The following ATP2B2 variants were observed in gnomAD, a reference collection of about 807,000 sequenced individuals.
ATP2B2 encodes the protein plasma membrane calcium-transporting ATPase 2.
In ATP2B2, 15 loss-of-function variants were observed where a neutral mutation model predicts 120.0. The observed-to-expected ratio is 0.12, with a 90% CI of 0.08 to 0.19. The LOEUF (loss-of-function observed/expected upper bound fraction) is 0.19. ATP2B2 is among the 10% of genes least tolerant of loss of function. The probability of loss-of-function intolerance (pLI) is 1.00; values close to 1 mark genes in which losing one functional copy is unlikely to be tolerated. For missense variants in ATP2B2, 1,045 were observed against 1,719.8 expected (o/e 0.61, Z 6.94); for synonymous variants, 694 against 700.3 (o/e 0.99, Z 0.14).
chr3:10,328,620 GAA>G lies in ATP2B2; in HGVS notation c.*192_*193del, dbSNP rs1319474425. The G allele has an allele frequency of 7.7e-6, 5 of 648,138 alleles. No homozygotes were observed. The highest frequency in any genetic ancestry group is 7.3e-5 in the African/African-American group (4 of 54,432). 40.1% of individuals were successfully genotyped at this position (648,138 alleles called of 1,614,324 possible). ...GAGATCCCGCCCCTTGCCTTGAAGT[GAA>G]AAAGAGTTCAAACAGCATCGCAGCC... On this transcript the variant is annotated 3_prime_UTR_variant, in exon 23 of 23. Transcript: ENST00000360273.
intron 3 of ATP2B2, among the ~76,000 whole-genome samples, chr3:10,532,209 C>T (rs2067224537): frequency 6.6e-6 from 1 of 152,176 alleles, no homozygotes; most frequent in African/African-American, 2.4e-5. Flanking sequence ...GTTCATCCCT[C>T]CCCAGTCCCA....
intron 3 of ATP2B2, among the ~76,000 whole-genome samples, chr3:10,533,079 T>C (rs1255148726): frequency 6.6e-6 from 1 of 152,186 alleles, no homozygotes; most frequent in African/African-American, 2.4e-5. Context: ...ATCTCTTACA[T>C]GTTGGGTCCA....
At chr3:10,534,447 G>T (rs529666707) in intron 2 of ATP2B2, among the ~76,000 whole-genome samples, 2 of 152,192 alleles carry the variant, frequency 1.3e-5, no homozygotes, top group Non-Finnish European at 2.9e-5. Flanking sequence ...AACATGCATC[G>T]GGCATCTAGC....
In ATP2B2 at chr3:10,397,103, T is replaced by C. The variant is rs140089797; in HGVS notation, c.781+3850A>G. ...CCTGAGGCCACACAGCAAGTTCGCT[T>C]GAGAGCTCAGGTCCTGTTCAGCTCA... On this transcript the variant is annotated intron_variant, in intron 5 of 22. Coordinates refer to ENST00000360273, the MANE Select transcript of ATP2B2 (RefSeq NM_001001331.4). Among the ~76,000 whole-genome samples, 382 of 152,308 alleles carry C rather than the reference T, an allele frequency of 2.5e-3. 4 individuals carry two copies. The highest frequency in any genetic ancestry group is 2.7e-3 in the Non-Finnish European group (187 of 68,016).
chr3:10,632,914 T>G (rs1273463564), intron 1 of ATP2B2, among the ~76,000 whole-genome samples: 1 of 152,232 alleles, frequency 6.6e-6, no homozygotes, highest in African/African-American at 2.4e-5. Context: ...TCACCCTGAC[T>G]GGCTGGAGGG....
chr3:10,335,915 C>T (rs1426538946), intron 22 of ATP2B2, among the ~76,000 whole-genome samples: 1 of 152,208 alleles, frequency 6.6e-6, no homozygotes, highest in African/African-American at 2.4e-5. Flanking sequence ...ACCCTAATGA[C>T]CCTCTGACTG....
chr3:10,689,611 C>T (rs1436483244), intron 1 of ATP2B2, among the ~76,000 whole-genome samples: 1 of 152,120 alleles, frequency 6.6e-6, no homozygotes, highest in Non-Finnish European at 1.5e-5. Flanking sequence ...AAGGCCACAA[C>T]CTCAGGATAA....
At chr3:10,435,812 T>A (rs956808318) in intron 2 of ATP2B2, among the ~76,000 whole-genome samples, 1 of 152,164 alleles carries the variant, frequency 6.6e-6, no homozygotes, top group Admixed American at 6.5e-5. Context: ...TGGAGCCTTT[T>A]TAAAAGACTC....
At chr3:10,629,107 A>G (rs1469492963) in intron 1 of ATP2B2, among the ~76,000 whole-genome samples, 2 of 152,164 alleles carry the variant, frequency 1.3e-5, no homozygotes, top group Non-Finnish European at 2.9e-5. Context: ...GCACGGCAGC[A>G]CCACGCTTCG....
At chr3:10,524,495 C>G (rs1022098905) in intron 3 of ATP2B2, among the ~76,000 whole-genome samples, 3 of 152,216 alleles carry the variant, frequency 2.0e-5, no homozygotes, top group African/African-American at 7.2e-5. Flanking sequence ...TCCCTGGCAG[C>G]TCTGCCTCCA....
At chr3:10,459,566 C>T (rs2064399702) in intron 1 of ATP2B2, among the ~76,000 whole-genome samples, 1 of 152,270 alleles carries the variant, frequency 6.6e-6, no homozygotes, top group African/African-American at 2.4e-5. Flanking sequence ...GCAGCACTGG[C>T]TGCCTCCAGC....
intron 2 of ATP2B2, among the ~76,000 whole-genome samples, chr3:10,556,974 A>C (rs895696044): frequency 6.6e-6 from 1 of 152,184 alleles, no homozygotes; most frequent in Non-Finnish European, 1.5e-5. Context: ...ATCTCAGACT[A>C]GGCTATATTT....
chr3:10,506,438 A>C (rs531882530), upstream of ATP2B2, among the ~76,000 whole-genome samples: 19 of 152,250 alleles, frequency 1.2e-4, no homozygotes, highest in South Asian at 3.7e-3. Context: ...CTTCCACGGG[A>C]ACCCAGGGAC....
chr3:10,520,664 C>G (rs1217446936), intron 3 of ATP2B2, among the ~76,000 whole-genome samples: 3 of 151,988 alleles, frequency 2.0e-5, no homozygotes, highest in African/African-American at 4.8e-5. Context: ...GGGGTTTCGC[C>G]AGGTTGGTCT....
intron 2 of ATP2B2, 127 bp downstream of exon 2, chr3:10,449,218 C>G: frequency 9.4e-7 from 1 of 1,069,154 alleles, no homozygotes; most frequent in Admixed American, 2.1e-5. Context: ...ACTACAATGG[C>G]CATTCTGGCA....
intron 2 of ATP2B2, among the ~76,000 whole-genome samples, chr3:10,440,730 C>G (rs2063635963): frequency 6.6e-6 from 1 of 152,200 alleles, no homozygotes; most frequent in Non-Finnish European, 1.5e-5. Flanking sequence ...AACATTTCCT[C>G]TTGCAGTAGT....
chr3:10,335,872 C>T (rs891066940), intron 22 of ATP2B2, among the ~76,000 whole-genome samples: 7 of 152,160 alleles, frequency 4.6e-5, no homozygotes, highest in African/African-American at 7.2e-5. Context: ...AAGGGTGACC[C>T]CTTGACTGAA....
chr3:10,427,922 G>A (rs939114831), intron 2 of ATP2B2, among the ~76,000 whole-genome samples: 7 of 152,290 alleles, frequency 4.6e-5, no homozygotes, highest in East Asian at 1.9e-4. Context: ...CAGCTTGAGC[G>A]TTCTGCCTCA....
intron 1 of ATP2B2, among the ~76,000 whole-genome samples, chr3:10,484,125 C>G (rs115631434): frequency 6.6e-6 from 1 of 152,138 alleles, no homozygotes; most frequent in Admixed American, 6.5e-5. Context: ...TCTGAAGCAT[C>G]GTGATGGTGC....
Sources: gnomAD v4.1 joint callset for allele counts (sites outside exome capture counted in the v4.1 genomes callset) on GRCh38, gnomAD v4.1.1 for gene constraint, MANE v1.5 for transcripts, NCBI Gene and HGNC (gene_info 2026-07-23, HGNC 2026-07-21) for gene names.